Variants in ADGRL3 observed in about 807,000 individuals in gnomAD.
The protein encoded by ADGRL3 is adhesion G protein-coupled receptor L3.
A neutral mutation model predicts 153.5 loss-of-function variants in ADGRL3; 62 were observed. The observed-to-expected ratio is 0.40, with a 90% CI of 0.33 to 0.50. ADGRL3 has a LOEUF of 0.50. Ranked by LOEUF, ADGRL3 falls within the 20% of genes least tolerant of loss-of-function variation. The probability of loss-of-function intolerance (pLI) is 0.47; values close to 1 mark genes in which losing one functional copy is unlikely to be tolerated. For synonymous variants in ADGRL3, 710 were observed against 672.5 expected, an observed-to-expected ratio of 1.06 and a Z score of -0.86; for missense variants, 1,641 against 1,859.4, an observed-to-expected ratio of 0.88 and a Z score of 2.16.
At chr4:61,993,905 A>T (rs2099112610) in intron 19 of ADGRL3, among the ~76,000 whole-genome samples, 1 of 152,174 alleles carries the variant, frequency 6.6e-6, no homozygotes, top group Admixed American at 6.5e-5. Context: ...GAACACCGTC[A>T]CAACAAAAGG....
chr4:61,720,617 G>T (rs1580446851), intron 6 of ADGRL3, among the ~76,000 whole-genome samples: 1 of 152,280 alleles, frequency 6.6e-6, no homozygotes, highest in South Asian at 2.1e-4. Context: ...AATAATAGTA[G>T]CTTGCACATG....
chr4:61,388,847 G>A (rs77082869), intron 2 of ADGRL3, among the ~76,000 whole-genome samples: 3,295 of 152,116 alleles, frequency 0.022, 59 homozygotes, highest in Non-Finnish European at 0.035. Context: ...TAGACTTCAG[G>A]TATTCTCTTC....
intron 13 of ADGRL3, among the ~76,000 whole-genome samples, chr4:61,919,250 G>A (rs756152940): frequency 1.3e-5 from 2 of 152,162 alleles, no homozygotes; most frequent in Non-Finnish European, 2.9e-5. Context: ...TTGCCCATAA[G>A]CATCAAAGCC....
chr4:61,931,155 TA>T (rs34364218), intron 13 of ADGRL3, among the ~76,000 whole-genome samples: 1 of 152,152 alleles, frequency 6.6e-6, no homozygotes, highest in Non-Finnish European at 1.5e-5. Context: ...TTTAAGTCTC[TA>T]AAAAACTCAT....
At chr4:61,838,248 AG>A (rs1452679549) in intron 9 of ADGRL3, among the ~76,000 whole-genome samples, 1 of 152,156 alleles carries the variant, frequency 6.6e-6, no homozygotes, top group African/African-American at 2.4e-5. Context: ...TTGCATATAA[AG>A]ATAAAAATCA....
chr4:61,310,576 G>A (rs1430529927), intron 1 of ADGRL3, among the ~76,000 whole-genome samples: 1 of 152,038 alleles, frequency 6.6e-6, no homozygotes, highest in African/African-American at 2.4e-5. Context: ...AGAATTATTA[G>A]TTTTCTCAAG....
intron 1 of ADGRL3, among the ~76,000 whole-genome samples, chr4:61,310,848 T>A (rs1367391836): frequency 6.6e-6 from 1 of 152,026 alleles, no homozygotes; most frequent in Non-Finnish European, 1.5e-5. Context: ...GTGGACCCTA[T>A]AAATTTAATG....
chr4:61,974,788 G>A lies in ADGRL3; in HGVS notation c.2806-4775G>A, dbSNP rs150228547. Reference sequence around the variant, plus strand: ...CTTCATTTTTATACTCGTTTGACACGCTGACATTACAGGACATCTTAAGGT... The same window carrying A: ...CTTCATTTTTATACTCGTTTGACACACTGACATTACAGGACATCTTAAGGT... On this transcript the variant is annotated intron_variant, in intron 17 of 26. Coordinates refer to ENST00000683033, the MANE Select transcript of ADGRL3 (RefSeq NM_001387552.1). Among the ~76,000 whole-genome samples, 82 of 152,168 alleles carry A rather than the reference G, an allele frequency of 5.4e-4. 2 individuals are homozygous for A. Among genetic ancestry groups the A allele is most frequent in the Admixed American group, 2.0e-3 (31 of 15,292 alleles).
Position 62,071,778 on chromosome 4 carries a change from G to A in ADGRL3, c.*870G>A, listed in dbSNP as rs549733995. The A allele has an allele frequency of 1.0e-4, 38 of 368,384 alleles. No homozygotes were observed. Among genetic ancestry groups the A allele is most frequent in the Middle Eastern group, 9.2e-4 (1 of 1,086 alleles). 22.8% of individuals were successfully genotyped at this position (368,384 alleles called of 1,614,324 possible). The stretch of plus-strand genomic sequence containing the variant: ...TTGCCTTTTATTCCTTTAAAATTTC[G>A]CCTGGCAAAAAATAAATAAATGGAA... On this transcript the variant is annotated 3_prime_UTR_variant, in exon 27 of 27. Transcript: ENST00000683033.
intron 4 of ADGRL3, among the ~76,000 whole-genome samples, chr4:61,557,747 A>T (rs1579517822): frequency 6.6e-6 from 1 of 151,022 alleles, no homozygotes; most frequent in African/African-American, 2.4e-5. Flanking sequence ...GAAAGTATAT[A>T]CTTTGGCTAT....
intron 1 of ADGRL3, among the ~76,000 whole-genome samples, chr4:61,361,771 A>G (rs1221161970): frequency 6.6e-6 from 1 of 152,150 alleles, no homozygotes; most frequent in Admixed American, 6.5e-5. Flanking sequence ...ACTATGAAAG[A>G]TTTTTGTCAA....
In ADGRL3 at chr4:61,201,293, A is replaced by G. The variant is rs1505666; in HGVS notation, c.-712A>G. The G allele has an allele frequency of 0.63, 97,246 of 153,598 alleles. 31,195 individuals are homozygous for G. Among genetic ancestry groups the G allele is most frequent in the Middle Eastern group, 0.75 (234 of 312 alleles). The allele number at this position is 153,598 out of a possible 1,614,324, so 9.5% of individuals were successfully genotyped here. A position where few individuals can be genotyped will look rare whatever the true frequency, so the allele number is the denominator to read the frequency against. On this transcript the variant is annotated 5_prime_UTR_variant, in exon 1 of 27. Transcript: ENST00000683033. ...GCGGCGGCAGCAGCAGCAGCAAGAGAAGGAGAAGCAGCCCCAGCTATGACT... is the reference window on the plus strand; with the variant it reads ...GCGGCGGCAGCAGCAGCAGCAAGAGGAGGAGAAGCAGCCCCAGCTATGACT...
intron 8 of ADGRL3, among the ~76,000 whole-genome samples, chr4:61,783,458 A>G (rs780760763): frequency 6.6e-6 from 1 of 152,138 alleles, no homozygotes; most frequent in Non-Finnish European, 1.5e-5. Context: ...ATTAAAGCCA[A>G]TAGAAGTTAG....
chr4:61,679,627 T>C (rs1229231921), intron 6 of ADGRL3, among the ~76,000 whole-genome samples: 1 of 152,084 alleles, frequency 6.6e-6, no homozygotes, highest in Non-Finnish European at 1.5e-5. Flanking sequence ...TTTACATGCA[T>C]AGGCTATTTA....
At chr4:61,766,854 C>T (rs369655593) in intron 8 of ADGRL3, among the ~76,000 whole-genome samples, 6 of 151,932 alleles carry the variant, frequency 3.9e-5, no homozygotes, top group East Asian at 1.9e-4. Flanking sequence ...TTTGGCACCA[C>T]GGGGTGGATA....
chr4:61,991,934 T>A (rs1185822874), intron 19 of ADGRL3, among the ~76,000 whole-genome samples: 1 of 148,316 alleles, frequency 6.7e-6, no homozygotes, highest in Non-Finnish European at 1.5e-5. Flanking sequence ...TAATATTACA[T>A]GATATATATA....
At chr4:62,026,120 AT>A (rs994166404) in intron 21 of ADGRL3, among the ~76,000 whole-genome samples, 3 of 152,138 alleles carry the variant, frequency 2.0e-5, no homozygotes, top group African/African-American at 7.2e-5. Flanking sequence ...CATTTTTGGG[AT>A]AAAATAAATG....
chr4:61,451,662 A>G (rs2097675438), intron 2 of ADGRL3, among the ~76,000 whole-genome samples: 1 of 152,180 alleles, frequency 6.6e-6, no homozygotes, highest in Non-Finnish European at 1.5e-5. Flanking sequence ...ATGACACCTG[A>G]CTAAGTGATG....
intron 2 of ADGRL3, among the ~76,000 whole-genome samples, chr4:61,462,767 A>G (rs183177850): frequency 7.2e-5 from 11 of 152,324 alleles, no homozygotes; most frequent in Admixed American, 5.9e-4. Flanking sequence ...GCCAGGCATT[A>G]CGGTGTTACT....
Sources: allele counts gnomAD v4.1 joint callset (sites outside exome capture counted in the v4.1 genomes callset), GRCh38; gene constraint gnomAD v4.1.1; transcripts MANE v1.5; gene names NCBI Gene and HGNC (gene_info 2026-07-23, HGNC 2026-07-21).